DPP8: variants seen among roughly 807,000 people sequenced by gnomAD.
DPP8 encodes the protein dipeptidyl peptidase 8.
DPP8 carries 31 observed loss-of-function variants against 107.5 expected under a neutral mutation model. The ratio of observed to expected loss-of-function variants is 0.29; its 90% CI spans 0.22 to 0.39. The LOEUF is 0.39. Ranked by LOEUF, DPP8 falls within the 10% of genes least tolerant of loss-of-function variation. The pLI is 1.00. For missense variants in DPP8, 842 were observed against 1,076.1 expected, an observed-to-expected ratio of 0.78 and a Z score of 3.04; for synonymous variants, 381 against 356.6, an observed-to-expected ratio of 1.07 and a Z score of -0.77.
intron 3 of DPP8, among the ~76,000 whole-genome samples, chr15:65,507,034 G>A (rs951371685): frequency 6.6e-6 from 1 of 151,952 alleles, no homozygotes; most frequent in African/African-American, 2.4e-5. Context: ...AGTTAAACAG[G>A]GAGAAAGCAG....
At chr15:65,492,070 A>G (rs914606807) in intron 5 of DPP8, among the ~76,000 whole-genome samples, 5 of 143,910 alleles carry the variant, frequency 3.5e-5, no homozygotes, top group Non-Finnish European at 7.6e-5. Flanking sequence ...GGCCAGGCGC[A>G]GTGGCTCACG....
At chr15:65,461,062 T>G (rs1465635788) in intron 15 of DPP8, among the ~76,000 whole-genome samples, 1 of 152,202 alleles carries the variant, frequency 6.6e-6, no homozygotes, top group Non-Finnish European at 1.5e-5. Flanking sequence ...TGGCTTTGAT[T>G]TGCATTTCCC....
chr15:65,455,828 G>C (rs2064365815), intron 16 of DPP8: 1 of 1,291,582 alleles, frequency 7.7e-7, no homozygotes, highest in Non-Finnish European at 1.0e-6. Flanking sequence ...CTAAAAGGTA[G>C]CATTTAAAGC....
chr15:65,456,534 C>T (rs2064436496), intron 15 of DPP8, among the ~76,000 whole-genome samples, 163 bp from the exon 16 acceptor site: 1 of 152,126 alleles, frequency 6.6e-6, no homozygotes, highest in Non-Finnish European at 1.5e-5. Flanking sequence ...TGTTTATTTG[C>T]TTCTTGCTTA....
At chr15:65,498,129 G>T in intron 4 of DPP8, 97 bp from the exon 5 acceptor site, 1 of 991,880 alleles carries the variant, frequency 1.0e-6, no homozygotes, top group Non-Finnish European at 1.4e-6. Flanking sequence ...TAGGTAAAAT[G>T]TCAACAATGA....
rs1222490275 is a variant in DPP8, at chr15:65,465,707, C to T, written c.1825+971G>A. Among the ~76,000 whole-genome samples, 5 of 151,702 alleles carry T rather than the reference C, an allele frequency of 3.3e-5. No homozygotes were observed. In the East Asian group the frequency reaches 9.7e-4, roughly 29 times the overall value. On this transcript the variant is annotated intron_variant, in intron 14 of 19. Transcript: ENST00000300141. ...AGTAGCTGGGACTACAGGCGTGTACCACCACACCCGGCTAATTTTTTGTAT... is the reference window on the plus strand; with the variant it reads ...AGTAGCTGGGACTACAGGCGTGTACTACCACACCCGGCTAATTTTTTGTAT...
At chr15:65,512,734 G>A in intron 1 of DPP8, 170 bp from the exon 2 acceptor site, 1 of 642,138 alleles carries the variant, frequency 1.6e-6, no homozygotes, top group South Asian at 2.0e-5. Context: ...TCCCTTCTCT[G>A]TGTTCAGTTT....
chr15:65,474,178 C>T, intron 12 of DPP8, 31 bp downstream of exon 12: 1 of 1,468,066 alleles, frequency 6.8e-7, no homozygotes, highest in Non-Finnish European at 9.5e-7. Flanking sequence ...GTAATACTGA[C>T]CAAACATATC....
intron 14 of DPP8, 127 bp downstream of exon 14, chr15:65,466,551 C>G (rs1348498794): frequency 1.2e-6 from 1 of 807,830 alleles, no homozygotes; most frequent in African/African-American, 1.7e-5. Flanking sequence ...AGGAGCTCAG[C>G]AGCTCAGGGA....
At chr15:65,510,538 C>CTTTTTTT (rs11386408) in intron 2 of DPP8, among the ~76,000 whole-genome samples, 1 of 149,836 alleles carries the variant, frequency 6.7e-6, no homozygotes. Context: ...ATACAAATGG[C>CTTTTTTT]TTTTTTTTTT....
chr15:65,483,001 G>A (rs2067071743), intron 8 of DPP8, among the ~76,000 whole-genome samples: 2 of 152,078 alleles, frequency 1.3e-5, no homozygotes, highest in South Asian at 2.1e-4. Context: ...GGAGGCCGAG[G>A]CAGGAGAATG....
At chr15:65,509,058 C>G in intron 2 of DPP8, among the ~76,000 whole-genome samples, 1 of 152,086 alleles carries the variant, frequency 6.6e-6, no homozygotes, top group East Asian at 1.9e-4. Flanking sequence ...GGATAAGCCC[C>G]CAAATAACCA....
intron 12 of DPP8, among the ~76,000 whole-genome samples, chr15:65,470,850 C>T (rs980768863): frequency 6.1e-5 from 9 of 148,740 alleles, no homozygotes; most frequent in African/African-American, 2.0e-4. Context: ...ACCCAGGAGG[C>T]GGAAGTTGCA....
intron 11 of DPP8, among the ~76,000 whole-genome samples, chr15:65,475,014 GT>G (rs564001900): frequency 1.3e-5 from 2 of 150,694 alleles, no homozygotes; most frequent in African/African-American, 2.4e-5. Flanking sequence ...TCTTTTCGTT[GT>G]TTTTTTTTCA....
chr15:65,510,149 C>CA (rs977661723), intron 2 of DPP8, among the ~76,000 whole-genome samples: 24 of 150,122 alleles, frequency 1.6e-4, no homozygotes, highest in African/African-American at 3.9e-4. Context: ...CCCGTCTCTA[C>CA]AAAAAAAAAT....
At position 65,517,575 on chromosome 15, in the gene DPP8, G is replaced by C. The variant is rs1203974783; in HGVS notation, c.-101C>G. Reference sequence around the variant, plus strand: ...GCTGCGCCGCCTCCACTCCGGTCCTGGTTGCAGTGGCTTCCTCGGCGGCGG... The same window carrying C: ...GCTGCGCCGCCTCCACTCCGGTCCTCGTTGCAGTGGCTTCCTCGGCGGCGG... On this transcript the variant is annotated 5_prime_UTR_variant, in exon 1 of 20. Transcript: ENST00000300141. 6.6e-6 allele frequency: 1 copy of C among 152,432 alleles called. No homozygotes were observed. Among genetic ancestry groups the C allele is most frequent in the East Asian group, 1.9e-4 (1 of 5,206 alleles). The allele number at this position is 152,432 out of a possible 1,614,324, so 9.4% of individuals were successfully genotyped here.
chr15:65,508,089 A>T (rs2070295806), intron 2 of DPP8, among the ~76,000 whole-genome samples: 1 of 151,534 alleles, frequency 6.6e-6, no homozygotes, highest in African/African-American at 2.4e-5. Context: ...AATACAAAAA[A>T]ATTAGCTGGG....
chr15:65,491,430 T>G (rs796961345), intron 5 of DPP8, among the ~76,000 whole-genome samples: 1 of 152,260 alleles, frequency 6.6e-6, no homozygotes, highest in African/African-American at 2.4e-5. Context: ...CACATCCCTA[T>G]CGCCACTTAC....
Position 65,446,801 on chromosome 15 carries a change from T to C in DPP8, c.*83A>G, listed in dbSNP as rs960638455. 2.9e-6 allele frequency: 4 copies of C among 1,373,288 alleles called. No individual in the cohort carries two copies. Among genetic ancestry groups the C allele is most frequent in the South Asian group, 1.5e-5 (1 of 67,272 alleles). 85.1% of individuals were successfully genotyped at this position (1,373,288 alleles called of 1,614,324 possible). A position where few individuals can be genotyped will look rare whatever the true frequency, so the allele number is the denominator to read the frequency against. On this transcript the variant is annotated 3_prime_UTR_variant, in exon 20 of 20. Transcript: ENST00000300141. ...CATGGCAGGTATCAAAATGTGATGA[T>C]CAATTCTGTGTTTTCTGTTGATTAA...
Sources: allele counts gnomAD v4.1 joint callset (sites outside exome capture counted in the v4.1 genomes callset), GRCh38; gene constraint gnomAD v4.1.1; transcripts MANE v1.5; gene names NCBI Gene and HGNC (gene_info 2026-07-23, HGNC 2026-07-21).